The following CPT1A variants were observed in gnomAD, a reference collection of about 807,000 sequenced individuals.
The protein encoded by CPT1A is carnitine palmitoyltransferase 1A, also known as carnitine O-palmitoyltransferase 1, liver isoform.
A neutral mutation model predicts 100.8 loss-of-function variants in CPT1A; 64 were observed. The observed-to-expected ratio is 0.63, with a 90% CI of 0.52 to 0.78. CPT1A has a LOEUF of 0.78. Ranked by LOEUF, CPT1A falls within the 30% of genes least tolerant of loss-of-function variation. The pLI is 0.00. For synonymous variants in CPT1A, 363 were observed against 396.0 expected (o/e 0.92, Z 0.99); for missense variants, 802 against 1,034.1 (o/e 0.78, Z 3.08).
chr11:68,815,202 C>A, intron 2 of CPT1A, 132 bp downstream of exon 2: 2 of 925,738 alleles, frequency 2.2e-6, no homozygotes, highest in South Asian at 2.8e-5. Context: ...GTCCCCAAGC[C>A]TTAAGTACCA....
At chr11:68,828,742 A>AGCCG (rs113202467) in intron 1 of CPT1A, among the ~76,000 whole-genome samples, 1 of 151,694 alleles carries the variant, frequency 6.6e-6, no homozygotes, top group Non-Finnish European at 1.5e-5. Context: ...GGCTTGGGCA[A>AGCCG]GCGTCCGCCT....
At chr11:68,820,373 A>C (rs937145295) in intron 1 of CPT1A, among the ~76,000 whole-genome samples, 9 of 151,896 alleles carry the variant, frequency 5.9e-5, no homozygotes, top group African/African-American at 2.2e-4. Context: ...GTCAACCACC[A>C]TCTGAAAATA....
rs1946697347 is a variant in CPT1A at position 68,756,527 on chromosome 11, G to A, written c.*1117C>T. ...TCTGGTGAGTCTTTCCCCTCACCGG[G>A]TGGGAGGAGAAGGCCATCCCTTGGG... On this transcript the variant is annotated 3_prime_UTR_variant, in exon 19 of 19. Transcript: ENST00000265641. 6.6e-6 allele frequency: 1 copy of A among 152,186 alleles called. No homozygotes were observed. Among genetic ancestry groups the A allele is most frequent in the Non-Finnish European group, 1.5e-5 (1 of 68,044 alleles). 9.4% of individuals were successfully genotyped at this position (152,186 alleles called of 1,614,324 possible).
rs888484913 is a variant in CPT1A at position 68,807,332 on chromosome 11, T to C, written c.453+135A>G. The C allele has an allele frequency of 1.4e-5, 12 of 885,980 alleles. No homozygotes were observed. The Admixed American group carries it at 2.0e-4, about 15-fold the overall frequency. The allele number at this position is 885,980 out of a possible 1,614,324, so 54.9% of individuals were successfully genotyped here. A position where few individuals can be genotyped will look rare whatever the true frequency, so the allele number is the denominator to read the frequency against. Reference sequence around the variant, plus strand: ...ATGGTGACTCAAACCTCTCCAGCCATTCAAGGTTGAGGCCCAAGTCACCAA... The same window carrying C: ...ATGGTGACTCAAACCTCTCCAGCCACTCAAGGTTGAGGCCCAAGTCACCAA... On this transcript the variant is annotated intron_variant, in intron 4 of 18. Coordinates refer to ENST00000265641, the MANE Select transcript of CPT1A (RefSeq NM_001876.4).
intron 15 of CPT1A, among the ~76,000 whole-genome samples, chr11:68,761,939 T>TC (rs1470785132): frequency 2.9e-5 from 1 of 35,058 alleles, no homozygotes; most frequent in Non-Finnish European, 1.1e-4. Context: ...GAAGTTTGTC[T>TC]CGGAAAAAAG....
intron 1 of CPT1A, among the ~76,000 whole-genome samples, chr11:68,832,375 G>A (rs1856901071): frequency 6.6e-6 from 1 of 152,172 alleles, no homozygotes; most frequent in South Asian, 2.1e-4. Flanking sequence ...TCTTGAACCT[G>A]GCAGGTGGAG....
At chr11:68,822,356 A>G (rs1856608015) in intron 1 of CPT1A, among the ~76,000 whole-genome samples, 1 of 152,034 alleles carries the variant, frequency 6.6e-6, no homozygotes, top group South Asian at 2.1e-4. Context: ...ACATGGCAAG[A>G]CCTCATCTCT....
At chr11:68,794,321 G>A (rs1366671389) in intron 8 of CPT1A, among the ~76,000 whole-genome samples, 5 of 152,320 alleles carry the variant, frequency 3.3e-5, no homozygotes, top group African/African-American at 9.6e-5. Context: ...CGGGTTGACT[G>A]ATGTATTCAC....
chr11:68,778,708 C>CA (rs1010932575), intron 12 of CPT1A, among the ~76,000 whole-genome samples: 1 of 151,822 alleles, frequency 6.6e-6, no homozygotes, highest in Admixed American at 6.6e-5. Flanking sequence ...AAAAAAAAGT[C>CA]AAAATTCAAA....
At chr11:68,783,029 C>T (rs901506491) in intron 10 of CPT1A, among the ~76,000 whole-genome samples, 7 of 152,286 alleles carry the variant, frequency 4.6e-5, no homozygotes, top group Admixed American at 6.5e-5. Context: ...AGGAGGGCAT[C>T]GGATGAGCGC....
intron 1 of CPT1A, among the ~76,000 whole-genome samples, chr11:68,820,168 TA>T (rs35029230): frequency 0.88 from 133,846 of 152,002 alleles, 60,407 homozygotes; most frequent in Non-Finnish European, 0.98. Flanking sequence ...TAGCTGGGAC[TA>T]ATAGGCATGC....
chr11:68,801,270 C>A (rs991633075), intron 5 of CPT1A, among the ~76,000 whole-genome samples: 16 of 152,142 alleles, frequency 1.1e-4, no homozygotes, highest in Non-Finnish European at 2.4e-4. Context: ...CTCTTGCTCA[C>A]CCCATCCTGC....
chr11:68,836,587 A>C (rs1046312232), intron 1 of CPT1A, among the ~76,000 whole-genome samples: 1 of 152,112 alleles, frequency 6.6e-6, no homozygotes, highest in African/African-American at 2.4e-5. Flanking sequence ...AGCCTGGCCA[A>C]CATGGTGAAA....
At chr11:68,802,882 G>C (rs2154000473) in intron 5 of CPT1A, among the ~76,000 whole-genome samples, 1 of 142,654 alleles carries the variant, frequency 7.0e-6, no homozygotes, top group South Asian at 2.3e-4. Flanking sequence ...GAACAACAGG[G>C]TGAGACCCTG....
rs191678404 is a variant in CPT1A at position 68,814,508 on chromosome 11, C to T, written c.141+826G>A. Reference sequence around the variant, plus strand: ...TTTTTTAGTAGAGACGGGGGTTTCACCATGTTAGCCAGGATGGTCTCGATC... The same window carrying T: ...TTTTTTAGTAGAGACGGGGGTTTCATCATGTTAGCCAGGATGGTCTCGATC... On this transcript the variant is annotated intron_variant, in intron 2 of 18. Transcript: ENST00000265641. Among the ~76,000 whole-genome samples the T allele has an allele frequency of 8.1e-3, 1,226 of 152,004 alleles. 19 individuals are homozygous for T. Among genetic ancestry groups the T allele is most frequent in the African/African-American group, 0.028 (1,171 of 41,474 alleles).
chr11:68,819,676 T>C (rs1428615838), intron 1 of CPT1A, among the ~76,000 whole-genome samples: 2 of 152,250 alleles, frequency 1.3e-5, no homozygotes, highest in Non-Finnish European at 2.9e-5. Context: ...TATAGTGTCC[T>C]TTCTAGGAGT....
At chr11:68,819,701 G>A (rs539093292) in intron 1 of CPT1A, among the ~76,000 whole-genome samples, 95 of 152,248 alleles carry the variant, frequency 6.2e-4, no homozygotes, top group Non-Finnish European at 1.2e-3. Flanking sequence ...CGCCCTCGCA[G>A]AGCGATCTGA....
At chr11:68,803,710 C>CAAAAA (rs1338501640) in intron 5 of CPT1A, among the ~76,000 whole-genome samples, 4 of 122,840 alleles carry the variant, frequency 3.3e-5, no homozygotes, top group African/African-American at 1.6e-4. Flanking sequence ...GAGTCCATCA[C>CAAAAA]AAAAAATAAA....
At chr11:68,843,086 G>T (rs1420920773), upstream of CPT1A, among the ~76,000 whole-genome samples, 2 of 152,194 alleles carry the variant, frequency 1.3e-5, no homozygotes, top group African/African-American at 4.8e-5. The surrounding 1 kb of genome is among the most constrained non-coding windows in gnomAD (Gnocchi z 4.0). Flanking sequence ...TACCGCAGAA[G>T]AATTTAGAAG....
Sources: allele counts gnomAD v4.1 joint callset (sites outside exome capture counted in the v4.1 genomes callset), GRCh38; gene constraint gnomAD v4.1.1; non-coding constraint Gnocchi (gnomAD v3.1); transcripts MANE v1.5; gene names NCBI Gene and HGNC (gene_info 2026-07-23, HGNC 2026-07-21).